Variants in SMCHD1 observed in about 807,000 individuals in gnomAD.
SMCHD1 encodes the protein structural maintenance of chromosomes flexible hinge domain containing 1, also known as structural maintenance of chromosomes flexible hinge domain-containing protein 1.
SMCHD1 carries 78 observed loss-of-function variants against 254.7 expected under a neutral mutation model. The ratio of observed to expected loss-of-function variants is 0.31; its 90% confidence interval spans 0.26 to 0.37. The LOEUF is 0.37. Ranked by LOEUF, SMCHD1 falls within the 10% of genes least tolerant of loss-of-function variation. The pLI, the probability that SMCHD1 is intolerant of heterozygous loss-of-function variation, is 1.00. For missense variants in SMCHD1, 1,840 were observed against 2,408.1 expected (o/e 0.76, Z 4.94); for synonymous variants, 766 against 794.9 (o/e 0.96, Z 0.61).
intron 39 of SMCHD1, among the ~76,000 whole-genome samples, chr18:2,770,914 A>ATGTG: frequency 6.6e-6 from 1 of 152,182 alleles, no homozygotes; most frequent in East Asian, 1.9e-4. Context: ...TAGCCACCAC[A>ATGTG]CCCAGCCTAC....
Position 2,732,425 on chromosome 18 carries a change from T to C in SMCHD1, c.3209T>C (p.Ile1070Thr), listed in dbSNP as rs113434340. 262 of 1,612,976 alleles carry C rather than the reference T, an allele frequency of 1.6e-4. No individual in the cohort carries two copies. The highest frequency in any genetic ancestry group is 1.8e-4 in the Admixed American group (11 of 60,026). ...WIAGDIMHNL[I>T]FQMYDEGERE... ...GCGGGTGATATTATGCATAATCTTA[T>C]TTTTCAAATGTATGATGAAGGAGAA... is the stretch of plus-strand genomic sequence containing the variant. The change falls in exon 25 of 48, where the codon ATT (isoleucine) becomes ACT (threonine). Residue 1070 changes from isoleucine (I) to threonine (T), a missense_variant. Coordinates refer to ENST00000320876, the MANE Select transcript of SMCHD1 (RefSeq NM_015295.3).
chr18:2,729,440 T>C (rs2075092981), intron 24 of SMCHD1, 31 bp downstream of exon 24: 1 of 1,443,172 alleles, frequency 6.9e-7, no homozygotes, highest in Admixed American at 2.9e-5. Flanking sequence ...ATTGATATTA[T>C]ATTGAGTCTT....
At chr18:2,669,737 A>C (rs1240620538) in intron 3 of SMCHD1, among the ~76,000 whole-genome samples, 1 of 152,204 alleles carries the variant, frequency 6.6e-6, no homozygotes, top group African/African-American at 2.4e-5. Flanking sequence ...TTATCCATCC[A>C]GCTGCCCATG....
Position 2,743,875 on chromosome 18 carries a change from A to G in SMCHD1, c.3748A>G (p.Ile1250Val). 1.2e-6 allele frequency: 2 copies of G among 1,613,314 alleles called. No homozygotes were observed. The highest frequency in any genetic ancestry group is 1.7e-6 in the Non-Finnish European group (2 of 1,179,584). Reference sequence around the variant, plus strand: ...TTCTGACTTTATTCGAGTGCAACTAATTTCTGGACCTCCTGCTAAACTTCT... The same window carrying G: ...TTCTGACTTTATTCGAGTGCAACTAGTTTCTGGACCTCCTGCTAAACTTCT... ...EFSDFIRVQL[I>V]SGPPAKLLLI... The change falls in exon 29 of 48, where the codon ATT (isoleucine) becomes GTT (valine). Residue 1250 changes from isoleucine (I) to valine (V), a missense_variant. Physicochemically the swap from Ile to Val is conservative, Grantham distance 29 (BLOSUM62 3). Coordinates refer to ENST00000320876, the MANE Select transcript of SMCHD1 (RefSeq NM_015295.3).
intron 39 of SMCHD1, 124 bp from the exon 40 acceptor site, chr18:2,771,409 A>C (rs1458986785): frequency 9.1e-6 from 6 of 656,036 alleles, no homozygotes; most frequent in South Asian, 2.2e-5. Context: ...ATGGTCACCT[A>C]TCAGTTTTCA....
intron 44 of SMCHD1, among the ~76,000 whole-genome samples, chr18:2,781,908 A>C (rs1463924513): frequency 6.6e-6 from 1 of 152,220 alleles, no homozygotes; most frequent in Non-Finnish European, 1.5e-5. Flanking sequence ...GAGTATCAAG[A>C]GGAGAGCGTT....
At chr18:2,787,741 A>G (rs983354231) in intron 45 of SMCHD1, among the ~76,000 whole-genome samples, 2 of 152,204 alleles carry the variant, frequency 1.3e-5, no homozygotes, top group African/African-American at 4.8e-5. Context: ...TCCCACATAC[A>G]GACTAATGAT....
chr18:2,660,987 A>G lies in SMCHD1; in HGVS notation c.186+4726A>G, dbSNP rs192483149. Among the ~76,000 whole-genome samples, 13 of 152,332 alleles carry G rather than the reference A, an allele frequency of 8.5e-5. No individual in the cohort carries two copies. The East Asian group carries it at 2.3e-3, about 27-fold the overall frequency. ...ATGTGGCACATATACACCATGGAAT[A>G]CTATGCAGCCATAAAAAAGAATGAG... On this transcript the variant is annotated intron_variant, in intron 1 of 47. Coordinates refer to ENST00000320876, the MANE Select transcript of SMCHD1 (RefSeq NM_015295.3).
chr18:2,686,754 T>G (rs1434638364), intron 5 of SMCHD1, among the ~76,000 whole-genome samples: 1 of 151,994 alleles, frequency 6.6e-6, no homozygotes, highest in Non-Finnish European at 1.5e-5. Context: ...TGGGAGGGTA[T>G]TGTGAGGGGA....
At chr18:2,748,255 G>T (rs1220116223) in intron 30 of SMCHD1, among the ~76,000 whole-genome samples, 10 of 151,534 alleles carry the variant, frequency 6.6e-5, no homozygotes, top group Non-Finnish European at 5.9e-5. Flanking sequence ...TATGAGTATT[G>T]AGAAGCTGCA....
chr18:2,671,845 G>T (rs1020494632), intron 3 of SMCHD1, among the ~76,000 whole-genome samples: 1 of 151,914 alleles, frequency 6.6e-6, no homozygotes, highest in Non-Finnish European at 1.5e-5. Context: ...AGATCCGCCC[G>T]CCTTGGCCTC....
intron 42 of SMCHD1, 135 bp from the exon 43 acceptor site, chr18:2,777,671 T>A: frequency 1.9e-6 from 1 of 532,606 alleles, no homozygotes; most frequent in Non-Finnish European, 3.4e-6. Flanking sequence ...CATTTAGAAG[T>A]ATCACTTGTG....
chr18:2,659,317 C>T (rs952611920), intron 1 of SMCHD1, among the ~76,000 whole-genome samples: 2 of 152,106 alleles, frequency 1.3e-5, no homozygotes, highest in African/African-American at 2.4e-5. Context: ...GGGGTTTTGC[C>T]ATGTTGGCCA....
intron 3 of SMCHD1, among the ~76,000 whole-genome samples, 189 bp downstream of exon 3, chr18:2,667,220 A>G (rs1309425596): frequency 6.6e-6 from 1 of 152,130 alleles, no homozygotes; most frequent in Non-Finnish European, 1.5e-5. Flanking sequence ...CAGTGAAAAA[A>G]AACTCTCCTT....
At chr18:2,786,855 G>A (rs887495236) in intron 45 of SMCHD1, among the ~76,000 whole-genome samples, 4 of 152,074 alleles carry the variant, frequency 2.6e-5, no homozygotes, top group African/African-American at 4.8e-5. Flanking sequence ...TGTGCGGTGC[G>A]TACTTTTTTA....
intron 28 of SMCHD1, among the ~76,000 whole-genome samples, chr18:2,741,798 G>A (rs888961094): frequency 1.3e-5 from 2 of 152,070 alleles, no homozygotes; most frequent in African/African-American, 4.8e-5. Context: ...ATTATAACCT[G>A]TCTTCCTACA....
At chr18:2,661,835 G>T (rs992229069) in intron 1 of SMCHD1, among the ~76,000 whole-genome samples, 1 of 152,144 alleles carries the variant, frequency 6.6e-6, no homozygotes, top group East Asian at 1.9e-4. Context: ...TGCAGTTATC[G>T]TAGAAGAGTA....
chr18:2,788,940 T>C (rs775616784), intron 45 of SMCHD1, among the ~76,000 whole-genome samples: 6 of 152,182 alleles, frequency 3.9e-5, no homozygotes, highest in Non-Finnish European at 5.9e-5. Context: ...CTAGGAAACA[T>C]GCCTAAGCAA....
intron 1 of SMCHD1, among the ~76,000 whole-genome samples, chr18:2,663,104 C>T (rs1295580726): frequency 1.3e-5 from 2 of 152,048 alleles, no homozygotes; most frequent in Non-Finnish European, 2.9e-5. Flanking sequence ...ATGACTTGTG[C>T]TATTTGCATC....
Sources: gnomAD v4.1 joint callset for allele counts (sites outside exome capture counted in the v4.1 genomes callset) on GRCh38, gnomAD v4.1.1 for gene constraint, MANE v1.5 for transcripts, NCBI Gene and HGNC (gene_info 2026-07-23, HGNC 2026-07-21) for gene names.